The following ATP2B2 variants were observed in gnomAD, a reference collection of about 807,000 sequenced individuals.
ATP2B2 encodes ATPase plasma membrane Ca2+ transporting 2.
A neutral mutation model predicts 120.0 loss-of-function variants in ATP2B2; 15 were observed. That is an observed-to-expected ratio of 0.12 (90% CI 0.08 to 0.19). ATP2B2 has a LOEUF of 0.19. Ranked by LOEUF, ATP2B2 falls within the 10% of genes least tolerant of loss-of-function variation. ATP2B2 has a pLI of 1.00. For missense variants in ATP2B2, 1,045 were observed against 1,719.8 expected, an observed-to-expected ratio of 0.61 and a Z score of 6.94; for synonymous variants, 694 against 700.3, an observed-to-expected ratio of 0.99 and a Z score of 0.14.
At chr3:10,386,147 G>A (rs1305893424) in intron 7 of ATP2B2, among the ~76,000 whole-genome samples, 1 of 152,196 alleles carries the variant, frequency 6.6e-6, no homozygotes, top group Non-Finnish European at 1.5e-5. Flanking sequence ...GTGCTGGTGG[G>A]GAGAGCAGGG....
chr3:10,666,548 C>T (rs1395747071), intron 1 of ATP2B2, among the ~76,000 whole-genome samples: 1 of 152,242 alleles, frequency 6.6e-6, no homozygotes, highest in Non-Finnish European at 1.5e-5. Context: ...TGGTGCCCAG[C>T]TCTCACAGGT....
At chr3:10,439,432 G>A (rs1428461996) in intron 2 of ATP2B2, among the ~76,000 whole-genome samples, 1 of 152,158 alleles carries the variant, frequency 6.6e-6, no homozygotes, top group Admixed American at 6.5e-5. Context: ...ACAGTCACAT[G>A]CATCCCCTTG....
At chr3:10,409,908 C>T (rs1190730918) in intron 3 of ATP2B2, among the ~76,000 whole-genome samples, 6 of 152,178 alleles carry the variant, frequency 3.9e-5, no homozygotes, top group African/African-American at 1.4e-4. Flanking sequence ...ATCCTACTGA[C>T]TGAAAAAGCA....
intron 2 of ATP2B2, among the ~76,000 whole-genome samples, chr3:10,441,264 G>T (rs1251070584): frequency 1.3e-5 from 2 of 151,756 alleles, no homozygotes; most frequent in African/African-American, 4.8e-5. Context: ...CTGTCTTTTT[G>T]TTTTTTTTGA....
At chr3:10,388,229 T>G (rs761892022) in intron 6 of ATP2B2, 48 bp downstream of exon 6, 13 of 1,611,326 alleles carry the variant, frequency 8.1e-6, no homozygotes, top group Non-Finnish European at 5.9e-6. Flanking sequence ...AAAAAAAAAA[T>G]GTGGCCTTAA....
Position 10,340,116 on chromosome 3 carries a change from G to T in ATP2B2, c.3237+126C>A. 1.1e-6 allele frequency: 1 copy of T among 872,846 alleles called. No individual in the cohort carries two copies. Among genetic ancestry groups the T allele is most frequent in the Non-Finnish European group, 1.9e-6 (1 of 539,112 alleles). The allele number at this position is 872,846 out of a possible 1,614,324, so 54.1% of individuals were successfully genotyped here. On this transcript the variant is annotated intron_variant, in intron 21 of 22. Transcript: ENST00000360273. This position sits in a 1 kb window ranked among gnomAD's most constrained non-coding sequence, Gnocchi z 5.0. The stretch of plus-strand genomic sequence containing the variant: ...CTGGGACAAACCCCCTTGCTCAGAT[G>T]TCCAGAGATAGGGAGGAGCTTGCCT...
chr3:10,702,046 A>G (rs1575634872), intron 1 of ATP2B2, among the ~76,000 whole-genome samples: 1 of 152,042 alleles, frequency 6.6e-6, no homozygotes, highest in East Asian at 1.9e-4. Flanking sequence ...CAGTCTCCCA[A>G]CCTCATGAAG....
At chr3:10,379,113 T>C in intron 9 of ATP2B2, 130 bp downstream of exon 9, 4 of 1,104,850 alleles carry the variant, frequency 3.6e-6, no homozygotes, top group Non-Finnish European at 5.4e-6. Context: ...ACCCCCAAGG[T>C]CGTCAGACAC....
At chr3:10,617,882 T>G (rs2069438918) in intron 2 of ATP2B2, among the ~76,000 whole-genome samples, 1 of 145,296 alleles carries the variant, frequency 6.9e-6, no homozygotes, top group Admixed American at 7.0e-5. Flanking sequence ...CACCAGGTGA[T>G]GGCCAACATG....
chr3:10,440,721 A>G (rs1052580375), intron 2 of ATP2B2, among the ~76,000 whole-genome samples: 1 of 152,210 alleles, frequency 6.6e-6, no homozygotes, highest in East Asian at 1.9e-4. Flanking sequence ...AACCTTTAGA[A>G]CATTTCCTCT....
chr3:10,346,250 G>T lies in ATP2B2; in HGVS notation c.2405-113C>A. On this transcript the variant is annotated intron_variant, in intron 16 of 22. Coordinates refer to ENST00000360273, the MANE Select transcript of ATP2B2 (RefSeq NM_001001331.4). This position sits in a 1 kb window ranked among gnomAD's most constrained non-coding sequence, Gnocchi z 4.1. ...GGGCATGGCTTCCTCTCTGGTCCCTGTCCAGCCGCCCCCTCCATCCAGGCT... is the reference window on the plus strand; with the variant it reads ...GGGCATGGCTTCCTCTCTGGTCCCTTTCCAGCCGCCCCCTCCATCCAGGCT... The T allele has an allele frequency of 2.0e-6, 2 of 999,878 alleles. No individual in the cohort carries two copies. Among genetic ancestry groups the T allele is most frequent in the Non-Finnish European group, 3.1e-6 (2 of 654,886 alleles). The allele number at this position is 999,878 out of a possible 1,614,324, so 61.9% of individuals were successfully genotyped here.
At chr3:10,634,000 G>A (rs533041249) in intron 1 of ATP2B2, among the ~76,000 whole-genome samples, 9 of 152,028 alleles carry the variant, frequency 5.9e-5, no homozygotes, top group Admixed American at 3.3e-4. Flanking sequence ...CGCCCAACCC[G>A]ATCAAGAGAG....
rs141821254 is a variant in ATP2B2 at position 10,533,240 on chromosome 3, G to A, written c.-320+799C>T. Reference sequence around the variant, plus strand: ...GCCACAGAAATCTCACAGAGCTGCTGTATATGCTGGCTCTGGAAGGTTGAG... The same window carrying A: ...GCCACAGAAATCTCACAGAGCTGCTATATATGCTGGCTCTGGAAGGTTGAG... On this transcript the variant is annotated intron_variant, in intron 3 of 21. Transcript: ENST00000646379. Among the ~76,000 whole-genome samples, 656 of 152,306 alleles carry A rather than the reference G, an allele frequency of 4.3e-3. 7 individuals are homozygous for A. Among genetic ancestry groups the A allele is most frequent in the Non-Finnish European group, 3.3e-3 (222 of 68,032 alleles).
At chr3:10,524,768 T>G (rs75082193) in intron 3 of ATP2B2, among the ~76,000 whole-genome samples, 1,895 of 152,232 alleles carry the variant, frequency 0.012, 45 homozygotes, top group African/African-American at 0.044. Context: ...TTAAGTAACC[T>G]CTCCTGGCTA....
chr3:10,385,438 A>T lies in ATP2B2; in HGVS notation c.941-111T>A, dbSNP rs1403477107. On this transcript the variant is annotated intron_variant, in intron 7 of 22. Coordinates refer to ENST00000360273, the MANE Select transcript of ATP2B2 (RefSeq NM_001001331.4). ...GATAACATGACTCTATTCTTAAAAA[A>T]AAAAATTATCCTTTGGAAACCAAGA... 7 of 926,214 alleles carry T rather than the reference A, an allele frequency of 7.6e-6. No homozygotes were observed. In the African/African-American group the frequency reaches 1.2e-4, roughly 15 times the overall value. The allele number at this position is 926,214 out of a possible 1,614,324, so 57.4% of individuals were successfully genotyped here. A position where few individuals can be genotyped will look rare whatever the true frequency, so the allele number is the denominator to read the frequency against.
At chr3:10,393,836 G>A (rs1335612978) in intron 5 of ATP2B2, among the ~76,000 whole-genome samples, 1 of 152,212 alleles carries the variant, frequency 6.6e-6, no homozygotes, top group African/African-American at 2.4e-5. Flanking sequence ...GACCTTCCCA[G>A]CTGCAGGCTC....
At chr3:10,331,658 G>GA (rs34992684) in intron 22 of ATP2B2, among the ~76,000 whole-genome samples, 19 of 143,882 alleles carry the variant, frequency 1.3e-4, no homozygotes, top group Non-Finnish European at 1.1e-4. Flanking sequence ...AAAACTATGG[G>GA]AAAAAAAAAA....
At chr3:10,650,277 C>A in intron 1 of ATP2B2, among the ~76,000 whole-genome samples, 1 of 152,168 alleles carries the variant, frequency 6.6e-6, no homozygotes, top group East Asian at 1.9e-4. Flanking sequence ...AAAGGTGACT[C>A]TTGTTATGTT....
At chr3:10,682,773 C>T (rs2071413181) in intron 1 of ATP2B2, among the ~76,000 whole-genome samples, 1 of 152,146 alleles carries the variant, frequency 6.6e-6, no homozygotes. Context: ...TGCTTGGTGA[C>T]CATTGGTTAA....
Sources: allele counts gnomAD v4.1 joint callset (sites outside exome capture counted in the v4.1 genomes callset), GRCh38; gene constraint gnomAD v4.1.1; non-coding constraint Gnocchi (gnomAD v3.1); transcripts MANE v1.5; gene names NCBI Gene and HGNC (gene_info 2026-07-23, HGNC 2026-07-21).